The following LRSAM1 variants were observed in gnomAD, a reference collection of about 807,000 sequenced individuals.
The protein encoded by LRSAM1 is leucine rich repeat and sterile alpha motif containing 1.
Under a neutral mutation model 118.1 loss-of-function variants are expected in LRSAM1, and 96 were observed. That is an observed-to-expected ratio of 0.81 (90% confidence interval 0.69 to 0.96). The LOEUF is 0.96. Ranked by LOEUF, LRSAM1 falls within the 40% of genes least tolerant of loss-of-function variation. The pLI is 0.00. For missense variants in LRSAM1, 804 were observed against 915.5 expected, an observed-to-expected ratio of 0.88 and a Z score of 1.57; for synonymous variants, 322 against 364.2, an observed-to-expected ratio of 0.88 and a Z score of 1.32.
At chr9:127,489,853 C>T (rs1835868703) in intron 19 of LRSAM1, among the ~76,000 whole-genome samples, 1 of 152,234 alleles carries the variant, frequency 6.6e-6, no homozygotes, top group Non-Finnish European at 1.5e-5. Flanking sequence ...GGCAGGACTT[C>T]CCCACTGGGA....
At chr9:127,455,659 A>G (rs768307214) in intron 5 of LRSAM1, 39 bp downstream of exon 5, 3 of 1,605,208 alleles carry the variant, frequency 1.9e-6, no homozygotes, top group Non-Finnish European at 2.6e-6. Context: ...TTCTTGTTGC[A>G]TGTCTGCTTG....
Position 127,454,508 on chromosome 9 carries a change from C to A in LRSAM1, c.-20C>A, listed in dbSNP as rs771006038. On this transcript the variant is annotated 5_prime_UTR_variant, in exon 3 of 26. Coordinates refer to ENST00000300417, the MANE Select transcript of LRSAM1 (RefSeq NM_001005373.4). ...TCCTGTGCCCCAGGGTCCTAAAGAT[C>A]GCTCTGGGAAAAGGGAAGGATGCCG... 3.9e-5 allele frequency: 63 copies of A among 1,613,972 alleles called. No individual in the cohort carries two copies. Among genetic ancestry groups the A allele is most frequent in the Non-Finnish European group, 5.3e-5 (62 of 1,179,920 alleles).
intron 9 of LRSAM1, among the ~76,000 whole-genome samples, chr9:127,467,200 C>T (rs1834984977): frequency 1.3e-5 from 2 of 151,790 alleles, no homozygotes; most frequent in Non-Finnish European, 2.9e-5. Context: ...TTAGCTGAAG[C>T]AATTTTTACA....
In LRSAM1 at chr9:127,479,160, C is replaced by T. The variant is rs575152064; in HGVS notation, c.780+197C>T. On this transcript the variant is annotated intron_variant, in intron 12 of 25. Coordinates refer to ENST00000300417, the MANE Select transcript of LRSAM1 (RefSeq NM_001005373.4). ...AGCATCCATGGGACAGGTGCAGAGA[C>T]TGAGGCTCAGAGGGGTTGAGCCCAG... 3.3e-5 allele frequency among the ~76,000 whole-genome samples: 5 copies of T among 152,300 alleles called. No individual in the cohort carries two copies. In the East Asian group the frequency reaches 9.7e-4, roughly 29 times the overall value.
At chr9:127,456,629 C>T (rs2131994963) in intron 5 of LRSAM1, among the ~76,000 whole-genome samples, 1 of 152,100 alleles carries the variant, frequency 6.6e-6, no homozygotes, top group East Asian at 1.9e-4. Flanking sequence ...CTTCGGGAGG[C>T]CGAGGTGGGC....
chr9:127,465,988 T>C lies in LRSAM1; in HGVS notation c.529-1752T>C, dbSNP rs1834908953. On this transcript the variant is annotated intron_variant, in intron 9 of 25. Transcript: ENST00000300417. This position sits in a 1 kb window ranked among gnomAD's most constrained non-coding sequence, Gnocchi z 4.1. ...CATAATTTAAAAGTCATACTGTATA[T>C]TGTAAAACAAAAAAAATGCAAATAT... is the stretch of plus-strand genomic sequence containing the variant. Among the ~76,000 whole-genome samples, 1 of 123,884 alleles carries C rather than the reference T, an allele frequency of 8.1e-6. No homozygotes were observed. The highest frequency in any genetic ancestry group is 2.4e-4 in the South Asian group (1 of 4,228). The allele number at this position is 123,884 out of a possible 152,430, so 81.3% of individuals were successfully genotyped here.
At chr9:127,481,276 C>T (rs779569966) in intron 15 of LRSAM1, 49 bp downstream of exon 15, 30 of 1,536,870 alleles carry the variant, frequency 2.0e-5, no homozygotes, top group East Asian at 9.0e-5. Flanking sequence ...TTTTTTGAGA[C>T]GGAGTCCTGC....
chr9:127,469,133 TC>T (rs1488634308), intron 10 of LRSAM1, among the ~76,000 whole-genome samples: 4 of 152,104 alleles, frequency 2.6e-5, no homozygotes, highest in African/African-American at 4.8e-5. Context: ...ATCCTACAGA[TC>T]CACAAGGAAA....
intron 23 of LRSAM1, 130 bp from the exon 24 acceptor site, chr9:127,497,123 C>T: frequency 2.2e-6 from 2 of 916,228 alleles, no homozygotes; most frequent in South Asian, 1.4e-5. Context: ...CCCGCCAGGC[C>T]CCGGAAGGCT....
chr9:127,458,259 G>A (rs1258633738), intron 6 of LRSAM1, among the ~76,000 whole-genome samples: 1 of 152,112 alleles, frequency 6.6e-6, no homozygotes, highest in Non-Finnish European at 1.5e-5. Flanking sequence ...GCGGGCGCCT[G>A]TAGTCCCAGC....
At chr9:127,487,840 C>T (rs749937142) in intron 18 of LRSAM1, 77 bp downstream of exon 18, 144 of 1,285,878 alleles carry the variant, frequency 1.1e-4, no homozygotes, top group Non-Finnish European at 1.5e-4. Flanking sequence ...CAGAGCTCCA[C>T]ACGGAGCCCT....
rs543079204 is a variant in LRSAM1, at chr9:127,460,636, C to G, written c.322-537C>G. Among the ~76,000 whole-genome samples the G allele has an allele frequency of 2.6e-5, 4 of 152,294 alleles. No homozygotes were observed. The East Asian group carries it at 7.7e-4, about 30-fold the overall frequency. ...AAGGGGTTCAAGGCCTGGCTGTGCT[C>G]TCCTGAGCACGTGACTTTGCCACCC... On this transcript the variant is annotated intron_variant, in intron 7 of 25. Transcript: ENST00000300417.
intron 21 of LRSAM1, among the ~76,000 whole-genome samples, chr9:127,493,284 A>G (rs1426019743): frequency 6.6e-6 from 1 of 151,646 alleles, no homozygotes; most frequent in Non-Finnish European, 1.5e-5. Flanking sequence ...CTGGTCTCCA[A>G]CTCCCGGGCT....
chr9:127,482,833 A>C, intron 15 of LRSAM1, 117 bp from the exon 16 acceptor site: 2 of 907,976 alleles, frequency 2.2e-6, no homozygotes, highest in Non-Finnish European at 3.5e-6. Context: ...CAGAGAGCCC[A>C]TCTAGGTGTA....
intron 2 of LRSAM1, among the ~76,000 whole-genome samples, chr9:127,453,087 A>AT (rs1331383165): frequency 1.3e-5 from 2 of 151,590 alleles, no homozygotes; most frequent in Admixed American, 6.6e-5. Context: ...TTATTTATTT[A>AT]TTATTATTTT....
Position 127,503,078 on chromosome 9 carries a change from G to T in LRSAM1, c.*179G>T. The T allele has an allele frequency of 3.8e-6, 3 of 799,516 alleles. No individual in the cohort carries two copies. The highest frequency in any genetic ancestry group is 6.0e-6 in the Non-Finnish European group (3 of 503,120). 49.5% of individuals were successfully genotyped at this position (799,516 alleles called of 1,614,324 possible). A position where few individuals can be genotyped will look rare whatever the true frequency, so the allele number is the denominator to read the frequency against. ...AAGCATGTCTGGGCCAGGCAGAGGT[G>T]CTCCTCATCCATGACACCACCAGTC... On this transcript the variant is annotated 3_prime_UTR_variant, in exon 26 of 26. Coordinates refer to ENST00000300417, the MANE Select transcript of LRSAM1 (RefSeq NM_001005373.4).
chr9:127,479,802 G>A (rs1259160411), intron 13 of LRSAM1, 37 bp from the exon 14 acceptor site: 1 of 1,606,708 alleles, frequency 6.2e-7, no homozygotes, highest in Non-Finnish European at 8.5e-7. Flanking sequence ...CGTCTGAGGG[G>A]GTCCCAGGGG....
intron 14 of LRSAM1, among the ~76,000 whole-genome samples, chr9:127,480,509 C>G (rs1210010450): frequency 6.6e-6 from 1 of 152,186 alleles, no homozygotes; most frequent in African/African-American, 2.4e-5. Context: ...ATATGCCCTG[C>G]CACTTCCAGG....
At chr9:127,488,779 C>T (rs1230179042) in intron 18 of LRSAM1, among the ~76,000 whole-genome samples, 1 of 150,134 alleles carries the variant, frequency 6.7e-6, no homozygotes, top group African/African-American at 2.5e-5. Flanking sequence ...TTTGTAGAGA[C>T]AGAGTTTCCC....
Sources: allele counts gnomAD v4.1 joint callset (sites outside exome capture counted in the v4.1 genomes callset), GRCh38; gene constraint gnomAD v4.1.1; non-coding constraint Gnocchi (gnomAD v3.1); transcripts MANE v1.5; gene names NCBI Gene and HGNC (gene_info 2026-07-23, HGNC 2026-07-21).